Variants in ADK observed in about 807,000 individuals in gnomAD.
ADK encodes adenosine kinase.
A neutral mutation model predicts 44.7 loss-of-function variants in ADK; 24 were observed. The observed-to-expected ratio is 0.54, with a 90% CI of 0.39 to 0.76. The LOEUF is 0.76. ADK is among the 30% of genes least tolerant of loss of function. The pLI, the probability that ADK is intolerant of heterozygous loss-of-function variation, is 0.00. For synonymous variants in ADK, 128 were observed against 142.6 expected, an observed-to-expected ratio of 0.90 and a Z score of 0.73; for missense variants, 321 against 425.1, an observed-to-expected ratio of 0.76 and a Z score of 2.15.
intron 6 of ADK, among the ~76,000 whole-genome samples, chr10:74,483,692 G>A (rs1172878861): frequency 6.6e-6 from 1 of 152,166 alleles, no homozygotes; most frequent in Non-Finnish European, 1.5e-5. Context: ...ATGTTTTGCT[G>A]CTTAGATATT....
At chr10:74,170,615 G>A (rs1015675777) in intron 1 of ADK, among the ~76,000 whole-genome samples, 8 of 151,748 alleles carry the variant, frequency 5.3e-5, no homozygotes, top group African/African-American at 9.7e-5. Context: ...TGGCTAACAC[G>A]GTGAAACCCT....
intron 9 of ADK, among the ~76,000 whole-genome samples, chr10:74,657,921 G>A (rs1267224127): frequency 1.3e-5 from 2 of 152,188 alleles, no homozygotes; most frequent in Non-Finnish European, 2.9e-5. Flanking sequence ...AAGAAGACAT[G>A]CCTTATTTGG....
chr10:74,522,872 C>T (rs1848892839), intron 6 of ADK, among the ~76,000 whole-genome samples: 1 of 152,136 alleles, frequency 6.6e-6, no homozygotes, highest in African/African-American at 2.4e-5. Context: ...CTTCATTCTT[C>T]TATTTCTCCA....
At chr10:74,309,265 A>G (rs1462557591) in intron 3 of ADK, among the ~76,000 whole-genome samples, 1 of 152,138 alleles carries the variant, frequency 6.6e-6, no homozygotes, top group Non-Finnish European at 1.5e-5. Flanking sequence ...AACTTACAAT[A>G]GTTGCCTTTT....
intron 3 of ADK, among the ~76,000 whole-genome samples, chr10:74,230,104 T>C (rs1844702003): frequency 1.4e-5 from 2 of 147,798 alleles, no homozygotes; most frequent in South Asian, 2.2e-4. Context: ...GTAAAGCTAA[T>C]AGAAAAAAAT....
intron 6 of ADK, among the ~76,000 whole-genome samples, chr10:74,520,787 C>A (rs1285965889): frequency 6.6e-6 from 1 of 152,042 alleles, no homozygotes; most frequent in Non-Finnish European, 1.5e-5. Context: ...TAGTCTGTCC[C>A]TATCTGTCCT....
At chr10:74,551,894 G>A (rs1850046234) in intron 7 of ADK, among the ~76,000 whole-genome samples, 1 of 152,096 alleles carries the variant, frequency 6.6e-6, no homozygotes, top group Admixed American at 6.5e-5. Flanking sequence ...AAATGGTGAA[G>A]TATTTGCATA....
At chr10:74,483,156 G>C (rs1011434942) in intron 6 of ADK, among the ~76,000 whole-genome samples, 1 of 152,076 alleles carries the variant, frequency 6.6e-6, no homozygotes, top group African/African-American at 2.4e-5. Context: ...GTTTCCATAC[G>C]TCCTCCGAAA....
intron 7 of ADK, among the ~76,000 whole-genome samples, chr10:74,554,771 C>G (rs552623499): frequency 6.7e-6 from 1 of 150,044 alleles, no homozygotes; most frequent in East Asian, 2.0e-4. Flanking sequence ...ATGGCAAGAC[C>G]TTGTCTCTAT....
intron 9 of ADK, among the ~76,000 whole-genome samples, chr10:74,653,233 C>T (rs1238315594): frequency 6.6e-6 from 1 of 152,028 alleles, no homozygotes; most frequent in Admixed American, 6.6e-5. Flanking sequence ...GGGCAGATCA[C>T]TTGAGGTCAG....
intron 1 of ADK, among the ~76,000 whole-genome samples, chr10:74,154,930 C>A (rs1264545812): frequency 6.6e-6 from 1 of 152,108 alleles, no homozygotes; most frequent in African/African-American, 2.4e-5. Flanking sequence ...TTCATCACGG[C>A]AAATATTTGT....
chr10:74,238,856 CTTTTTTTTTTT>C (rs752385282), intron 3 of ADK, among the ~76,000 whole-genome samples: 8 of 88,198 alleles, frequency 9.1e-5, no homozygotes, highest in Admixed American at 1.6e-4. Flanking sequence ...TTAGCTAGTG[CTTTTTTTTTTT>C]TTTTTTTTTT....
chr10:74,343,377 A>G (rs1841651620), intron 4 of ADK, among the ~76,000 whole-genome samples: 1 of 152,220 alleles, frequency 6.6e-6, no homozygotes, highest in Admixed American at 6.5e-5. Flanking sequence ...TAAAGAATAT[A>G]TTATTAAGAA....
intron 6 of ADK, among the ~76,000 whole-genome samples, chr10:74,464,197 A>G (rs1846268758): frequency 6.6e-6 from 1 of 152,048 alleles, no homozygotes; most frequent in African/African-American, 2.4e-5. Flanking sequence ...TTTGTGTTCA[A>G]GTTTCTAGAA....
chr10:74,577,327 G>A (rs1409984559), intron 7 of ADK, among the ~76,000 whole-genome samples: 1 of 151,922 alleles, frequency 6.6e-6, no homozygotes. Flanking sequence ...TGTCTATGGT[G>A]TATTTGTTTC....
chr10:74,404,348 G>A (rs1843832331), intron 6 of ADK, among the ~76,000 whole-genome samples: 1 of 151,992 alleles, frequency 6.6e-6, no homozygotes, highest in African/African-American at 2.4e-5. Flanking sequence ...TTTTTACTCA[G>A]GTATTTATCA....
intron 7 of ADK, among the ~76,000 whole-genome samples, chr10:74,531,488 GA>G (rs1849290640): frequency 6.6e-6 from 1 of 152,162 alleles, no homozygotes. Flanking sequence ...TTGCTACAAA[GA>G]AACTTCAAAG....
intron 9 of ADK, among the ~76,000 whole-genome samples, chr10:74,644,538 G>A (rs1389389724): frequency 1.3e-5 from 2 of 152,094 alleles, no homozygotes; most frequent in Non-Finnish European, 2.9e-5. Context: ...TTTTTTATTT[G>A]TTTGTTTATT....
chr10:74,410,664 G>A (rs980584600), intron 6 of ADK, among the ~76,000 whole-genome samples: 1 of 152,180 alleles, frequency 6.6e-6, no homozygotes, highest in African/African-American at 2.4e-5. Context: ...CTGGCTGACA[G>A]AGTGAGACTC....
Sources: allele counts gnomAD v4.1 joint callset (sites outside exome capture counted in the v4.1 genomes callset), GRCh38; gene constraint gnomAD v4.1.1; transcripts MANE v1.5; gene names NCBI Gene and HGNC (gene_info 2026-07-23, HGNC 2026-07-21).